FGFR2: variants seen among roughly 807,000 people sequenced by gnomAD.
FGFR2 encodes BEK fibroblast growth factor receptor.
Under a neutral mutation model 95.9 loss-of-function variants are expected in FGFR2, and 19 were observed. That is an observed-to-expected ratio of 0.20 (90% CI 0.14 to 0.29). The LOEUF (loss-of-function observed/expected upper bound fraction) is 0.29, where lower values mean the gene tolerates loss of function less well. Among genes scored for constraint, FGFR2 ranks in the 10% least tolerant of loss-of-function variants. FGFR2 has a pLI of 1.00. For missense variants in FGFR2, 707 were observed against 1,056.9 expected (o/e 0.67, Z 4.59); for synonymous variants, 392 against 393.3 (o/e 1.00, Z 0.04).
chr10:121,532,635 C>A (rs1014979571), intron 6 of FGFR2, among the ~76,000 whole-genome samples: 1 of 152,182 alleles, frequency 6.6e-6, no homozygotes, highest in African/African-American at 2.4e-5. Context: ...GCTCAGCTAT[C>A]ACACTGGAGC....
chr10:121,544,836 C>A (rs1409282566), intron 5 of FGFR2, among the ~76,000 whole-genome samples: 1 of 152,108 alleles, frequency 6.6e-6, no homozygotes, highest in African/African-American at 2.4e-5. Flanking sequence ...TATATTACCA[C>A]AATAAATGTA....
At chr10:121,567,329 G>C (rs1196139560) in intron 2 of FGFR2, among the ~76,000 whole-genome samples, 1 of 152,192 alleles carries the variant, frequency 6.6e-6, no homozygotes, top group African/African-American at 2.4e-5. Flanking sequence ...ACTAGCACGT[G>C]AACACAAAGA....
chr10:121,575,273 G>C (rs1234139018), intron 2 of FGFR2, among the ~76,000 whole-genome samples: 1 of 152,186 alleles, frequency 6.6e-6, no homozygotes, highest in South Asian at 2.1e-4. Flanking sequence ...CACTTACTGA[G>C]GAGTGAGTCA....
At chr10:121,525,194 G>C (rs1463206169) in intron 6 of FGFR2, among the ~76,000 whole-genome samples, 10 of 152,136 alleles carry the variant, frequency 6.6e-5, no homozygotes, top group Admixed American at 6.5e-4. Flanking sequence ...GACGTTCTGA[G>C]GTTCAGCAGG....
chr10:121,482,029 G>C lies in FGFR2; in HGVS notation c.2301+1669C>G, dbSNP rs1844796080. ...ATTTTTTGTATCTTTAGTAGAGACA[G>C]GGTTTCACCATGTTGGCCAGGCTGG... On this transcript the variant is annotated intron_variant, in intron 17 of 17. Coordinates refer to ENST00000358487, the MANE Select transcript of FGFR2 (RefSeq NM_000141.5). 6 of 632,626 alleles carry C rather than the reference G, an allele frequency of 9.5e-6. No homozygotes were observed. In the East Asian group the frequency reaches 1.8e-4, roughly 19 times the overall value. The allele number at this position is 632,626 out of a possible 1,614,324, so 39.2% of individuals were successfully genotyped here.
rs145549294 is a variant in FGFR2, at chr10:121,561,279, C to T, written c.454+3223G>A. Among the ~76,000 whole-genome samples the T allele has an allele frequency of 9.7e-3, 1,482 of 152,068 alleles. 13 individuals carry two copies. The highest frequency in any genetic ancestry group is 0.024 in the Middle Eastern group (7 of 292). ...GTCTCTACTAAAAATACAAAATTAG[C>T]GGGGTGTGGTAGCATGTACCTGTAA... On this transcript the variant is annotated intron_variant, in intron 4 of 17. Coordinates refer to ENST00000358487, the MANE Select transcript of FGFR2 (RefSeq NM_000141.5).
chr10:121,514,835 G>C (rs1256960381), intron 9 of FGFR2, among the ~76,000 whole-genome samples: 1 of 152,156 alleles, frequency 6.6e-6, no homozygotes, highest in Non-Finnish European at 1.5e-5. Flanking sequence ...ACACACAGGG[G>C]GATTTGCCTC....
At chr10:121,532,606 C>T (rs1852238392) in intron 6 of FGFR2, among the ~76,000 whole-genome samples, 1 of 152,162 alleles carries the variant, frequency 6.6e-6, no homozygotes, top group Admixed American at 6.5e-5. Context: ...CTCCGCCGTG[C>T]CTCCGTCCCC....
At chr10:121,587,146 A>G (rs1861949635) in intron 2 of FGFR2, among the ~76,000 whole-genome samples, 1 of 152,216 alleles carries the variant, frequency 6.6e-6, no homozygotes, top group Non-Finnish European at 1.5e-5. Context: ...GATGAAAACA[A>G]GCAATGGGGA....
At chr10:121,587,553 T>C (rs954643208) in intron 2 of FGFR2, among the ~76,000 whole-genome samples, 2 of 152,000 alleles carry the variant, frequency 1.3e-5, no homozygotes, top group Non-Finnish European at 2.9e-5. Flanking sequence ...AACTTAAATT[T>C]ACAAGAGAAA....
At chr10:121,515,424 A>G in intron 8 of FGFR2, 105 bp from the exon 9 acceptor site, 1 of 1,160,182 alleles carries the variant, frequency 8.6e-7, no homozygotes, top group African/African-American at 1.5e-5. Context: ...GGCGACGACC[A>G]TTCTCAAGGC....
At chr10:121,523,598 C>A (rs543396183) in intron 6 of FGFR2, among the ~76,000 whole-genome samples, 1 of 152,196 alleles carries the variant, frequency 6.6e-6, no homozygotes, top group Non-Finnish European at 1.5e-5. Context: ...ACAAACTATG[C>A]TCCTATGCAC....
At chr10:121,555,780 A>C (rs1856048708) in intron 4 of FGFR2, among the ~76,000 whole-genome samples, 1 of 152,206 alleles carries the variant, frequency 6.6e-6, no homozygotes, top group South Asian at 2.1e-4. Flanking sequence ...TCTACACTGT[A>C]ACAGTCATTG....
At chr10:121,550,986 C>T (rs779666216) in intron 5 of FGFR2, among the ~76,000 whole-genome samples, 8 of 152,006 alleles carry the variant, frequency 5.3e-5, no homozygotes, top group South Asian at 2.1e-4. Context: ...TTTGGGAGGC[C>T]GAGGCAGGCG....
chr10:121,520,792 G>A (rs1004659041), intron 6 of FGFR2, among the ~76,000 whole-genome samples: 5 of 152,208 alleles, frequency 3.3e-5, no homozygotes, highest in Non-Finnish European at 5.9e-5. Context: ...ACAGGCAACC[G>A]CCACCACGCC....
At chr10:121,504,388 G>A (rs1004263802) in intron 9 of FGFR2, among the ~76,000 whole-genome samples, 4 of 152,122 alleles carry the variant, frequency 2.6e-5, no homozygotes, top group Admixed American at 1.3e-4. Context: ...AAAACTTTTA[G>A]GAAATTGGCT....
At chr10:121,497,982 C>T (rs981089058) in intron 12 of FGFR2, among the ~76,000 whole-genome samples, 1 of 152,212 alleles carries the variant, frequency 6.6e-6, no homozygotes. Flanking sequence ...TGCCAGTAAA[C>T]ATTCAATGGA....
intron 6 of FGFR2, among the ~76,000 whole-genome samples, chr10:121,536,316 C>T (rs1047128363): frequency 9.2e-5 from 14 of 152,190 alleles, no homozygotes. Context: ...TTTTACTCCA[C>T]TGACTTTTGG....
intron 4 of FGFR2, among the ~76,000 whole-genome samples, chr10:121,552,023 CA>C (rs60160986): frequency 0.9 from 134,887 of 149,798 alleles, 61,794 homozygotes; most frequent in Non-Finnish European, 0.99. Flanking sequence ...AACAAACAAA[CA>C]AAAAAAAAAA....
Sources: allele counts gnomAD v4.1 joint callset (sites outside exome capture counted in the v4.1 genomes callset), GRCh38; gene constraint gnomAD v4.1.1; transcripts MANE v1.5; gene names NCBI Gene and HGNC (gene_info 2026-07-23, HGNC 2026-07-21).